MTHFD1: variants seen among roughly 807,000 people sequenced by gnomAD.
The protein encoded by MTHFD1 is methylenetetrahydrofolate dehydrogenase, cyclohydrolase and formyltetrahydrofolate synthetase 1, also known as C-1-tetrahydrofolate synthase, cytoplasmic.
Under a neutral mutation model 110.3 loss-of-function variants are expected in MTHFD1, and 44 were observed. The observed-to-expected ratio is 0.40, with a 90% CI of 0.31 to 0.51. The LOEUF (loss-of-function observed/expected upper bound fraction) is 0.51, where lower values mean the gene tolerates loss of function less well. MTHFD1 is among the 20% of genes least tolerant of loss of function. MTHFD1 has a pLI of 0.60. For synonymous variants in MTHFD1, 402 were observed against 428.8 expected (o/e 0.94, Z 0.77); for missense variants, 909 against 1,173.1 (o/e 0.77, Z 3.29).
chr14:64,415,509 G>A lies in MTHFD1; in HGVS notation c.377+15G>A. The A allele has an allele frequency of 6.2e-7, 1 of 1,614,032 alleles. No individual in the cohort carries two copies. The highest frequency in any genetic ancestry group is 1.1e-5 in the South Asian group (1 of 91,074). Reference sequence around the variant, plus strand: ...GATGTGGATGGGTAAGTGTGGCTTGGCTTCCTATGTCTCATTGCATGCTTT... The same window carrying A: ...GATGTGGATGGGTAAGTGTGGCTTGACTTCCTATGTCTCATTGCATGCTTT... On this transcript the variant is annotated intron_variant, in intron 5 of 27. Coordinates refer to ENST00000652337, the MANE Select transcript of MTHFD1 (RefSeq NM_005956.4).
At chr14:64,430,291 C>A (rs144726842) in intron 13 of MTHFD1, 61 bp downstream of exon 13, 1 of 1,439,962 alleles carries the variant, frequency 6.9e-7, no homozygotes, top group African/African-American at 1.4e-5. Flanking sequence ...GGGGAGGGTG[C>A]TGAATTAGCT....
intron 2 of MTHFD1, among the ~76,000 whole-genome samples, chr14:64,405,377 C>G (rs754998953): frequency 3.9e-5 from 6 of 152,152 alleles, no homozygotes; most frequent in Non-Finnish European, 8.8e-5. Context: ...TCTCCTACGT[C>G]CTTGCTGATA....
In MTHFD1 at chr14:64,441,581, C is replaced by T. The variant is rs3742613; in HGVS notation, c.1884+128C>T. The T allele has an allele frequency of 0.016, 12,671 of 776,912 alleles. 775 individuals carry two copies. The East Asian group carries it at 0.19, about 11-fold the overall frequency. The allele number at this position is 776,912 out of a possible 1,614,324, so 48.1% of individuals were successfully genotyped here. On this transcript the variant is annotated intron_variant, in intron 19 of 27. Transcript: ENST00000652337. ...CAGCACTTTGGGAGGCCAAGGTGGG[C>T]AGATCACAAGGTCAGGAGATCGAGA...
In MTHFD1 at chr14:64,442,378, C is replaced by T. The variant is rs2078256238; in HGVS notation, c.2112C>T (p.Leu704=). ...VVVLVATVRA[L]KMHGGGPTVT... ...TGCTTGTTGCCACTGTCAGGGCTCT[C>T]AAGATGCACGGGGGCGGCCCCACGG... Residue 704 remains leucine, a synonymous_variant, in exon 21 of 28, where the codon CTC becomes CTT. Coordinates refer to ENST00000652337, the MANE Select transcript of MTHFD1 (RefSeq NM_005956.4). 6.2e-7 allele frequency: 1 copy of T among 1,614,096 alleles called. No homozygotes were observed. The highest frequency in any genetic ancestry group is 1.3e-5 in the African/African-American group (1 of 74,936).
chr14:64,421,646 C>T (rs12147679), intron 8 of MTHFD1, among the ~76,000 whole-genome samples: 15,421 of 149,268 alleles, frequency 0.1, 1,343 homozygotes, highest in African/African-American at 0.24. Context: ...TTTCTTGAGA[C>T]GGAGTCTCGC....
intron 26 of MTHFD1, among the ~76,000 whole-genome samples, chr14:64,457,801 T>G (rs1185761877): frequency 6.6e-6 from 1 of 152,192 alleles, no homozygotes; most frequent in African/African-American, 2.4e-5. Context: ...ACTTGATTTT[T>G]AATATGTAAC....
intron 22 of MTHFD1, among the ~76,000 whole-genome samples, chr14:64,446,728 G>C (rs1240562609): frequency 1.3e-5 from 2 of 152,122 alleles, no homozygotes; most frequent in African/African-American, 4.8e-5. Flanking sequence ...ATTTTTAGTT[G>C]AGACGGGGTT....
In MTHFD1 at chr14:64,419,842, C is replaced by T; in HGVS notation, c.644C>T (p.Ala215Val). 1 of 1,613,924 alleles carries T rather than the reference C, an allele frequency of 6.2e-7. No individual in the cohort carries two copies. Among genetic ancestry groups the T allele is most frequent in the Non-Finnish European group, 8.5e-7 (1 of 1,179,884 alleles). Residue 215 changes from alanine to valine, a missense_variant, in exon 8 of 28, where the codon GCA (alanine) becomes GTA (valine). This residue lies in a region of MTHFD1 where 424 missense variants were observed against 510.4 expected (regional missense o/e 0.83). Transcript: ENST00000652337. ...EVNKGDILVV[A>V]TGQPEMVKGE... is the part of the protein sequence containing the mutation. ...AATAAAGGTGACATCCTGGTGGTTGCAACTGGTCAGCCTGAAATGGTTAAA... is the reference window on the plus strand; with the variant it reads ...AATAAAGGTGACATCCTGGTGGTTGTAACTGGTCAGCCTGAAATGGTTAAA...
At chr14:64,447,264 T>G (rs2078298069) in intron 22 of MTHFD1, among the ~76,000 whole-genome samples, 1 of 146,994 alleles carries the variant, frequency 6.8e-6, no homozygotes, top group Admixed American at 7.0e-5. Context: ...CAAGTGATTC[T>G]CCTCCCTCAG....
At position 64,439,135 on chromosome 14, in the gene MTHFD1, T is replaced by C. The variant is rs757657128; in HGVS notation, c.1637T>C (p.Ile546Thr). The change falls in exon 17 of 28, where the codon ATT (isoleucine) becomes ACT (threonine). Residue 546 changes from isoleucine (I) to threonine (T), a missense_variant. Physicochemically the swap from Ile to Thr is moderately conservative, Grantham distance 89. Transcript: ENST00000652337. ...TNDRFLRKIT[I>T]GQAPTEKGHT... is the part of the protein sequence containing the mutation. Reference sequence around the variant, plus strand: ...GATAGATTCCTGAGGAAGATCACGATTGGACAGGCTCCAACGGAGAAGGGT... The same window carrying C: ...GATAGATTCCTGAGGAAGATCACGACTGGACAGGCTCCAACGGAGAAGGGT... 4 of 1,614,054 alleles carry C rather than the reference T, an allele frequency of 2.5e-6. No homozygotes were observed. The highest frequency in any genetic ancestry group is 1.1e-5 in the South Asian group (1 of 91,088).
rs2078035542 is a variant in MTHFD1, at chr14:64,417,736, A to T, written c.479-152A>T. The T allele has an allele frequency of 3.9e-6, 4 of 1,016,986 alleles. No homozygotes were observed. In the Admixed American group the frequency reaches 7.8e-5, roughly 20 times the overall value. The allele number at this position is 1,016,986 out of a possible 1,614,324, so 63.0% of individuals were successfully genotyped here. A position where few individuals can be genotyped will look rare whatever the true frequency, so the allele number is the denominator to read the frequency against. On this transcript the variant is annotated intron_variant, in intron 6 of 27. Coordinates refer to ENST00000652337, the MANE Select transcript of MTHFD1 (RefSeq NM_005956.4). The surrounding 1 kb of genome is among the most constrained non-coding windows in gnomAD (Gnocchi z 4.4). ...TTATAGCTGAAACCCTAGAGTTGAG[A>T]ATATTATTGCCAAAGAAGGAATGCT...
At chr14:64,430,988 T>C (rs2078154073) in intron 13 of MTHFD1, among the ~76,000 whole-genome samples, 1 of 152,196 alleles carries the variant, frequency 6.6e-6, no homozygotes, top group Non-Finnish European at 1.5e-5. Flanking sequence ...CATCTCATTT[T>C]GGAAAAACTG....
intron 22 of MTHFD1, among the ~76,000 whole-genome samples, chr14:64,447,351 T>C (rs1260213799): frequency 2.0e-5 from 3 of 151,812 alleles, no homozygotes; most frequent in African/African-American, 7.3e-5. Flanking sequence ...ATACGGGGTT[T>C]CACCATGTTG....
intron 8 of MTHFD1, among the ~76,000 whole-genome samples, chr14:64,421,811 G>A (rs529940811): frequency 6.6e-6 from 1 of 151,936 alleles, no homozygotes; most frequent in Non-Finnish European, 1.5e-5. Flanking sequence ...ATTTTTAGTA[G>A]AGACGGGGTT....
intron 1 of MTHFD1, 83 bp downstream of exon 1, chr14:64,388,551 C>T: frequency 2.4e-6 from 3 of 1,268,288 alleles, no homozygotes; most frequent in Non-Finnish European, 3.5e-6. Flanking sequence ...CCATTTTTTG[C>T]GGGAGGGACA....
In MTHFD1 at chr14:64,388,407, G is replaced by A. The variant is rs1312243897; in HGVS notation, c.-21G>A. ...CTCGATATTGGTGGTGTCCATCGTG[G>A]GCAGCGGACTAATAAAGGCCATGGC... On this transcript the variant is annotated 5_prime_UTR_variant, in exon 1 of 28. Transcript: ENST00000652337. 3 of 1,614,184 alleles carry A rather than the reference G, an allele frequency of 1.9e-6. No individual in the cohort carries two copies. The highest frequency in any genetic ancestry group is 2.5e-6 in the Non-Finnish European group (3 of 1,180,042).
Position 64,441,084 on chromosome 14 carries a change from C to T in MTHFD1, c.1816-301C>T, listed in dbSNP as rs58643581. 1,159 of 372,274 alleles carry T rather than the reference C, an allele frequency of 3.1e-3. 10 individuals are homozygous for T. Among genetic ancestry groups the T allele is most frequent in the African/African-American group, 0.023 (1,074 of 47,408 alleles). The allele number at this position is 372,274 out of a possible 1,614,324, so 23.1% of individuals were successfully genotyped here. A position where few individuals can be genotyped will look rare whatever the true frequency, so the allele number is the denominator to read the frequency against. Reference sequence around the variant, plus strand: ...GCGGGTGCCTGTAGTCCCAGCTACTCGGGAGGCTGAGGCAGGAGAATGGCG... The same window carrying T: ...GCGGGTGCCTGTAGTCCCAGCTACTTGGGAGGCTGAGGCAGGAGAATGGCG... On this transcript the variant is annotated intron_variant, in intron 18 of 27. Coordinates refer to ENST00000652337, the MANE Select transcript of MTHFD1 (RefSeq NM_005956.4).
intron 7 of MTHFD1, among the ~76,000 whole-genome samples, chr14:64,418,450 C>CAAAAA (rs202143596): frequency 3.0e-5 from 4 of 131,466 alleles, no homozygotes; most frequent in Non-Finnish European, 4.8e-5. Flanking sequence ...GACCCTGTCT[C>CAAAAA]AAAAAAAAAA....
chr14:64,457,854 C>A, intron 26 of MTHFD1: 1 of 341,134 alleles, frequency 2.9e-6, no homozygotes, highest in Admixed American at 4.2e-5. Context: ...GATGTTCTAT[C>A]TTTATGCCTT....
Sources: gnomAD v4.1 joint callset for allele counts (sites outside exome capture counted in the v4.1 genomes callset) on GRCh38, gnomAD v4.1.1 for gene constraint, gnomAD v4.1.1 regional missense constraint, Gnocchi (gnomAD v3.1) non-coding constraint, MANE v1.5 for transcripts, NCBI Gene and HGNC (gene_info 2026-07-23, HGNC 2026-07-21) for gene names.